The following ELAVL4 variants were observed in gnomAD, a reference collection of about 807,000 sequenced individuals.
ELAVL4 encodes ELAV-like protein 4.
ELAVL4 carries 1 observed loss-of-function variant against 35.6 expected under a neutral mutation model. The observed-to-expected ratio is 0.03, with a 90% CI of 0.01 to 0.13. ELAVL4 has a LOEUF of 0.13. Among genes scored for constraint, ELAVL4 ranks in the 10% least tolerant of loss-of-function variants. ELAVL4 has a pLI of 1.00. For synonymous variants in ELAVL4, 156 were observed against 171.0 expected (o/e 0.91, Z 0.69); for missense variants, 267 against 464.9 (o/e 0.57, Z 3.91).
intron 1 of ELAVL4, among the ~76,000 whole-genome samples, chr1:50,075,269 G>C (rs1375539443): frequency 6.6e-6 from 1 of 152,146 alleles, no homozygotes; most frequent in East Asian, 1.9e-4. Flanking sequence ...CGAGGTGCAA[G>C]GAAAAGGTAT....
At position 50,145,160 on chromosome 1, in the gene ELAVL4, A is replaced by G. The variant is rs1026251547; in HGVS notation, c.213A>G (p.Glu71=). 17 of 1,613,924 alleles carry G rather than the reference A, an allele frequency of 1.1e-5. No individual in the cohort carries two copies. Among genetic ancestry groups the G allele is most frequent in the Non-Finnish European group, 1.4e-5 (17 of 1,179,934 alleles). Reference sequence around the variant, plus strand: ...GGAGTCTCTTCGGGAGCATTGGTGAAATAGAATCCTGCAAACTTGTGAGAG... The same window carrying G: ...GGAGTCTCTTCGGGAGCATTGGTGAGATAGAATCCTGCAAACTTGTGAGAG... The part of the protein sequence containing the change: ...EFRSLFGSIG[E]IESCKLVRDK... Residue 71 remains glutamate (E), a synonymous_variant, in exon 2 of 7, where the codon GAA becomes GAG. Transcript: ENST00000371824.
At chr1:50,067,225 C>G (rs76869395) in intron 1 of ELAVL4, among the ~76,000 whole-genome samples, 4,516 of 152,236 alleles carry the variant, frequency 0.03, 114 homozygotes, top group Non-Finnish European at 0.047. Context: ...TAAAAGGAAG[C>G]AACAGAAATG....
chr1:50,074,184 A>G (rs1664660715), intron 1 of ELAVL4, among the ~76,000 whole-genome samples: 1 of 152,158 alleles, frequency 6.6e-6, no homozygotes, highest in African/African-American at 2.4e-5. Context: ...CCTTAGAGTA[A>G]CTTAAGATTT....
At chr1:50,057,600 C>G (rs975604966) in intron 1 of ELAVL4, among the ~76,000 whole-genome samples, 4 of 152,146 alleles carry the variant, frequency 2.6e-5, no homozygotes, top group African/African-American at 9.7e-5. Flanking sequence ...TTTAGATACA[C>G]AAATACAAGC....
intron 3 of ELAVL4, among the ~76,000 whole-genome samples, chr1:50,178,746 C>T (rs1680521955): frequency 6.6e-6 from 1 of 152,146 alleles, no homozygotes; most frequent in African/African-American, 2.4e-5. Flanking sequence ...GCTCATGTCA[C>T]CTGACTCTTT....
chr1:50,086,073 T>G (rs1379815870), intron 1 of ELAVL4, among the ~76,000 whole-genome samples: 1 of 151,976 alleles, frequency 6.6e-6, no homozygotes, highest in Non-Finnish European at 1.5e-5. Flanking sequence ...GCAGTGATCT[T>G]TTTTTTTGTA....
At chr1:50,086,325 A>G (rs1005369568) in intron 1 of ELAVL4, among the ~76,000 whole-genome samples, 1 of 151,992 alleles carries the variant, frequency 6.6e-6, no homozygotes, top group Non-Finnish European at 1.5e-5. Flanking sequence ...TTGAAATTGT[A>G]TGAAATGTAA....
chr1:50,128,817 C>T (rs537390427), intron 1 of ELAVL4, among the ~76,000 whole-genome samples: 46 of 152,132 alleles, frequency 3.0e-4, no homozygotes, highest in African/African-American at 1.1e-3. Context: ...CATTCCAGGG[C>T]TTATGGAACT....
At chr1:50,181,572 A>G (rs1681029039) in intron 3 of ELAVL4, among the ~76,000 whole-genome samples, 1 of 152,068 alleles carries the variant, frequency 6.6e-6, no homozygotes, top group Non-Finnish European at 1.5e-5. Context: ...GTCATTGTTC[A>G]GTGTTTCAGC....
Position 50,109,540 on chromosome 1 carries a change from G to A in ELAVL4, c.9+342G>A, listed in dbSNP as rs184818242. ...AGGGTTTTCTTTTTTGTAAGGGAGA[G>A]GGGGTTTGTCTACGTGCCTGGGTTT... is the stretch of plus-strand genomic sequence containing the variant. On this transcript the variant is annotated intron_variant, in intron 1 of 6. Transcript: ENST00000371824. 8.0e-4 allele frequency: 288 copies of A among 359,294 alleles called. 1 individual carries two copies. The highest frequency in any genetic ancestry group is 5.7e-3 in the African/African-American group (274 of 48,390). 22.3% of individuals were successfully genotyped at this position (359,294 alleles called of 1,614,324 possible). A position where few individuals can be genotyped will look rare whatever the true frequency, so the allele number is the denominator to read the frequency against.
At chr1:50,131,223 G>T (rs1202040836) in intron 1 of ELAVL4, among the ~76,000 whole-genome samples, 1 of 152,048 alleles carries the variant, frequency 6.6e-6, no homozygotes, top group Non-Finnish European at 1.5e-5. Context: ...TCTTATCTGA[G>T]AATTGTAGAT....
intron 2 of ELAVL4, among the ~76,000 whole-genome samples, chr1:50,147,337 C>T (rs1473593862): frequency 1.3e-5 from 2 of 152,162 alleles, no homozygotes; most frequent in Admixed American, 6.5e-5. Flanking sequence ...TTAAATTCTT[C>T]ATTTACACTA....
At chr1:50,057,322 T>G (rs971675485) in intron 1 of ELAVL4, among the ~76,000 whole-genome samples, 1 of 152,156 alleles carries the variant, frequency 6.6e-6, no homozygotes, top group Non-Finnish European at 1.5e-5. Flanking sequence ...GTTTAAAAAT[T>G]TATAAAGTAA....
chr1:50,123,386 A>AC (rs1669346189), intron 1 of ELAVL4, among the ~76,000 whole-genome samples: 1 of 152,054 alleles, frequency 6.6e-6, no homozygotes, highest in South Asian at 2.1e-4. Flanking sequence ...TAAAAGGGGA[A>AC]CAGTGTCATG....
At chr1:50,061,825 T>A (rs767782964) in intron 1 of ELAVL4, among the ~76,000 whole-genome samples, 1 of 152,206 alleles carries the variant, frequency 6.6e-6, no homozygotes, top group Non-Finnish European at 1.5e-5. Flanking sequence ...TTTGTCTGAT[T>A]TGCCTCATAG....
chr1:50,174,746 A>C (rs1054494826), intron 2 of ELAVL4: 4 of 152,170 alleles, frequency 2.6e-5, no homozygotes, highest in Non-Finnish European at 5.9e-5. Context: ...AAGGTCTAAA[A>C]CAAAAATAAA....
intron 1 of ELAVL4, among the ~76,000 whole-genome samples, chr1:50,069,693 T>G (rs1248054564): frequency 2.6e-5 from 4 of 152,210 alleles, no homozygotes; most frequent in Non-Finnish European, 4.4e-5. Context: ...TAATAGCAGC[T>G]TATTTTTTAG....
chr1:50,094,261 C>A (rs944517543), intron 1 of ELAVL4, among the ~76,000 whole-genome samples: 1 of 152,174 alleles, frequency 6.6e-6, no homozygotes, highest in Admixed American at 6.5e-5. Flanking sequence ...GACTATGAAT[C>A]TACATACATT....
chr1:50,067,414 T>C (rs80236353), intron 1 of ELAVL4, among the ~76,000 whole-genome samples: 4,705 of 152,274 alleles, frequency 0.031, 98 homozygotes, highest in Non-Finnish European at 0.048. Flanking sequence ...CTACCTCAAG[T>C]GTCCAGAAGA....
Sources: allele counts gnomAD v4.1 joint callset (sites outside exome capture counted in the v4.1 genomes callset), GRCh38; gene constraint gnomAD v4.1.1; transcripts MANE v1.5; gene names NCBI Gene and HGNC (gene_info 2026-07-23, HGNC 2026-07-21).